The following LAMB1 variants were observed in gnomAD, a reference collection of about 807,000 sequenced individuals.
The protein encoded by LAMB1 is laminin subunit beta-1.
Under a neutral mutation model 222.3 loss-of-function variants are expected in LAMB1, and 121 were observed. The observed-to-expected ratio is 0.54, with a 90% CI of 0.47 to 0.63. The LOEUF (loss-of-function observed/expected upper bound fraction) is 0.63, where lower values mean the gene tolerates loss of function less well. Among genes scored for constraint, LAMB1 ranks in the 30% least tolerant of loss-of-function variants. The probability of loss-of-function intolerance (pLI) is 0.00; values close to 1 mark genes in which losing one functional copy is unlikely to be tolerated. For missense variants in LAMB1, 2,172 were observed against 2,240.8 expected, an observed-to-expected ratio of 0.97 and a Z score of 0.62; for synonymous variants, 794 against 807.2, an observed-to-expected ratio of 0.98 and a Z score of 0.28.
chr7:107,999,013 G>A (rs1018318429), intron 3 of LAMB1, among the ~76,000 whole-genome samples: 3 of 152,212 alleles, frequency 2.0e-5, no homozygotes, highest in African/African-American at 2.4e-5. Context: ...CACCCTGCCC[G>A]AGCAGTGAAT....
At chr7:107,943,696 C>T (rs1365375498) in intron 24 of LAMB1, among the ~76,000 whole-genome samples, 2 of 152,154 alleles carry the variant, frequency 1.3e-5, no homozygotes, top group African/African-American at 2.4e-5. Flanking sequence ...ATTTCTATCA[C>T]GTTCCCAGGA....
chr7:107,955,696 G>A (rs957309616), intron 20 of LAMB1, 66 bp from the exon 21 acceptor site: 9 of 1,463,960 alleles, frequency 6.1e-6, no homozygotes, highest in Non-Finnish European at 6.4e-6. Flanking sequence ...TCCAAGGAAA[G>A]TCTTGAAAAC....
chr7:107,998,490 C>T lies in LAMB1; in HGVS notation c.216G>A (p.Glu72=). 1 of 1,612,538 alleles carries T rather than the reference C, an allele frequency of 6.2e-7. No homozygotes were observed. Among genetic ancestry groups the T allele is most frequent in the Non-Finnish European group, 8.5e-7 (1 of 1,179,314 alleles). Residue 72 remains glutamate (E), a splice_region_variant and synonymous_variant, in exon 4 of 34, where the codon GAG becomes GAA. Coordinates refer to ENST00000222399, the MANE Select transcript of LAMB1 (RefSeq NM_002291.3). ...EPYCIVSHLQ[E]DKKCFICNSQ... ...AATTGCATATGAAGCATTTTTTGTC[C>T]TCCTACAAACAAAGTTGAGTTCATC...
Position 107,955,459 on chromosome 7 carries a change from C to T in LAMB1, c.2854+8G>A, listed in dbSNP as rs778925077. ...CTCTTTGCCTCCCAAAGTATGCACACGACTTACCAATGTATCCAGGATCAC... is the reference window on the plus strand; with the variant it reads ...CTCTTTGCCTCCCAAAGTATGCACATGACTTACCAATGTATCCAGGATCAC... On this transcript the variant is annotated splice_region_variant and intron_variant, in intron 21 of 33. Transcript: ENST00000222399. The T allele has an allele frequency of 1.1e-5, 17 of 1,610,392 alleles. No individual in the cohort carries two copies. The Admixed American group carries it at 1.2e-4, about 11-fold the overall frequency.
intron 10 of LAMB1, 52 bp from the exon 11 acceptor site, chr7:107,975,465 C>T: frequency 6.7e-7 from 1 of 1,491,848 alleles, no homozygotes; most frequent in South Asian, 1.3e-5. Flanking sequence ...CTCAATGTAT[C>T]TTTGTATAAA....
intron 24 of LAMB1, among the ~76,000 whole-genome samples, chr7:107,943,780 G>A (rs147346957): frequency 5.3e-5 from 8 of 152,210 alleles, no homozygotes; most frequent in Non-Finnish European, 1.0e-4. Flanking sequence ...GTTTCTGCCC[G>A]CCTTCTGTAT....
At position 107,926,282 on chromosome 7, in the gene LAMB1, C is replaced by T. The variant is rs1327574505; in HGVS notation, c.4965G>A (p.Val1655=). 2 of 1,613,976 alleles carry T rather than the reference C, an allele frequency of 1.2e-6. No individual in the cohort carries two copies. Residue 1655 remains valine, a synonymous_variant, in exon 32 of 34, where the codon GTG becomes GTA. Transcript: ENST00000222399. ...GGGCAGCTTTCCGCTTAAGTTCTTC[C>T]ACATTCCTCTCTAACTCGCTGATGC... ...SQRISELERN[V]EELKRKAAQN...
chr7:107,965,126 G>A lies in LAMB1; in HGVS notation c.1563-439C>T, dbSNP rs188022934. On this transcript the variant is annotated intron_variant, in intron 13 of 33. Coordinates refer to ENST00000222399, the MANE Select transcript of LAMB1 (RefSeq NM_002291.3). ...AATCCCTCGGATGGTCTCTATCAGGGTGAAGGCACTACCACCTGCTGAGTC... is the reference window on the plus strand; with the variant it reads ...AATCCCTCGGATGGTCTCTATCAGGATGAAGGCACTACCACCTGCTGAGTC... Among the ~76,000 whole-genome samples the A allele has an allele frequency of 2.2e-4, 34 of 152,304 alleles. No individual in the cohort carries two copies. In the Middle Eastern group the frequency reaches 0.01, roughly 46 times the overall value.
At chr7:107,973,255 G>A (rs375186621) in intron 12 of LAMB1, among the ~76,000 whole-genome samples, 184 bp from the exon 13 acceptor site, 31 of 152,352 alleles carry the variant, frequency 2.0e-4, no homozygotes, top group Middle Eastern at 3.4e-3. Context: ...AGGCACTGGC[G>A]TAAGAGAGCC....
At chr7:107,974,357 G>GT (rs111955403) in intron 12 of LAMB1, among the ~76,000 whole-genome samples, 15,165 of 144,822 alleles carry the variant, frequency 0.1, 1,952 homozygotes, top group African/African-American at 0.31. Context: ...TCCTGTGTGT[G>GT]TTTTTTTTTT....
chr7:108,002,754 C>T, intron 2 of LAMB1, 95 bp downstream of exon 2: 1 of 1,543,364 alleles, frequency 6.5e-7, no homozygotes, highest in Non-Finnish European at 8.9e-7. Flanking sequence ...TCTCCCAAGC[C>T]CCCAGGATCC....
chr7:107,956,001 A>T (rs1007450260), intron 20 of LAMB1, among the ~76,000 whole-genome samples: 2 of 152,240 alleles, frequency 1.3e-5, no homozygotes, highest in African/African-American at 2.4e-5. Context: ...GGTTCAAACA[A>T]TTCTCCTGCC....
At chr7:107,999,280 C>T (rs993730797) in intron 3 of LAMB1, among the ~76,000 whole-genome samples, 6 of 152,184 alleles carry the variant, frequency 3.9e-5, no homozygotes, top group Non-Finnish European at 8.8e-5. Context: ...TATCTACTTC[C>T]TGTGCATTCC....
In LAMB1 at chr7:107,924,025, T is replaced by C. The variant is rs749432437; in HGVS notation, c.5287A>G (p.Arg1763Gly). 5.0e-6 allele frequency: 8 copies of C among 1,591,514 alleles called. No individual in the cohort carries two copies. The South Asian group carries it at 9.3e-5, about 18-fold the overall frequency. ...YLEDKAQELA[R>G]LEGEVRSLLK... is the part of the protein sequence containing the mutation. ...AGTGAACGGACTTCTCCTTCCAGTCTTGCTAATTCTTGAGCTTTATCTTCT... is the reference window on the plus strand; with the variant it reads ...AGTGAACGGACTTCTCCTTCCAGTCCTGCTAATTCTTGAGCTTTATCTTCT... The change falls in exon 34 of 34, where the codon AGA (arginine) becomes GGA (glycine). Residue 1763 changes from arginine (R) to glycine (G), a missense_variant. Transcript: ENST00000222399.
At chr7:107,954,023 C>G (rs1217910062) in intron 21 of LAMB1, among the ~76,000 whole-genome samples, 1 of 152,114 alleles carries the variant, frequency 6.6e-6, no homozygotes. Context: ...TGCAACTGCC[C>G]CAGAGGCCAC....
chr7:107,929,353 CT>C, intron 30 of LAMB1, 58 bp downstream of exon 30: 1 of 1,537,476 alleles, frequency 6.5e-7, no homozygotes, highest in Non-Finnish European at 9.0e-7. Context: ...TAAAGAGATA[CT>C]TTTTACTCCA....
At chr7:107,959,192 A>G (rs2033439754) in intron 20 of LAMB1, 57 bp downstream of exon 20, 2 of 1,402,284 alleles carry the variant, frequency 1.4e-6, no homozygotes, top group African/African-American at 1.4e-5. Context: ...TTGGTCTAAG[A>G]TGCTGTCTGC....
At chr7:107,997,365 G>A (rs2034299511) in intron 4 of LAMB1, among the ~76,000 whole-genome samples, 1 of 152,218 alleles carries the variant, frequency 6.6e-6, no homozygotes, top group Non-Finnish European at 1.5e-5. Flanking sequence ...GGAGGTTGCA[G>A]TAAGCTGAGA....
intron 25 of LAMB1, among the ~76,000 whole-genome samples, chr7:107,939,759 G>C (rs910654855): frequency 6.6e-6 from 1 of 152,132 alleles, no homozygotes; most frequent in Admixed American, 6.5e-5. Context: ...TATAATGCTT[G>C]CATATTCTGT....
Sources: allele counts gnomAD v4.1 joint callset (sites outside exome capture counted in the v4.1 genomes callset), GRCh38; gene constraint gnomAD v4.1.1; transcripts MANE v1.5; gene names NCBI Gene and HGNC (gene_info 2026-07-23, HGNC 2026-07-21).